ABTB3: variants seen among roughly 807,000 people sequenced by gnomAD.
ABTB3 encodes the protein ankyrin repeat and BTB domain containing 3, also known as ankyrin repeat- and BTB/POZ domain-containing protein 3.
the ABTB3 span, among the ~76,000 whole-genome samples, chr12:107,529,189 TG>T: frequency 6.7e-6 from 1 of 149,644 alleles, no homozygotes; most frequent in Admixed American, 6.6e-5. Flanking sequence ...GTGATGATGA[TG>T]GTGATGGTGA....
At chr12:107,391,721 T>C in the ABTB3 span, among the ~76,000 whole-genome samples, 55,263 of 152,060 alleles carry the variant, frequency 0.36, 10,214 homozygotes, top group African/African-American at 0.42. Context: ...GTGTCAATTT[T>C]GTGAATCCCA....
the ABTB3 span, among the ~76,000 whole-genome samples, chr12:107,592,234 C>G: frequency 3.9e-5 from 6 of 152,270 alleles, no homozygotes; most frequent in African/African-American, 1.2e-4. Flanking sequence ...AATTTTATAC[C>G]AGTCAGATTG....
At chr12:107,328,511 G>A in the ABTB3 span, among the ~76,000 whole-genome samples, 1 of 152,198 alleles carries the variant, frequency 6.6e-6, no homozygotes, top group Non-Finnish European at 1.5e-5. Context: ...ATTGTATTAC[G>A]TGTCTGTCTT....
At chr12:107,485,138 A>C in the ABTB3 span, among the ~76,000 whole-genome samples, 1 of 152,198 alleles carries the variant, frequency 6.6e-6, no homozygotes, top group Non-Finnish European at 1.5e-5. Context: ...TTAGGGGTAA[A>C]TAATGGGCCA....
At chr12:107,326,538 C>T in the ABTB3 span, among the ~76,000 whole-genome samples, 1 of 152,190 alleles carries the variant, frequency 6.6e-6, no homozygotes, top group Non-Finnish European at 1.5e-5. Flanking sequence ...GGCTCTCTGA[C>T]CACCAATACA....
At chr12:107,621,599 G>A in the ABTB3 span, among the ~76,000 whole-genome samples, 9 of 152,162 alleles carry the variant, frequency 5.9e-5, no homozygotes, top group East Asian at 1.9e-4. Flanking sequence ...TATGACATAC[G>A]TACAGAAAAG....
the ABTB3 span, among the ~76,000 whole-genome samples, chr12:107,604,501 C>T: frequency 1.7e-3 from 266 of 152,224 alleles, 3 homozygotes; most frequent in African/African-American, 6.1e-3. Flanking sequence ...AAATGGCCAA[C>T]AGGTATATGA....
At chr12:107,319,296 C>T in the ABTB3 span, 1 of 1,542,928 alleles carries the variant, frequency 6.5e-7, no homozygotes, top group East Asian at 2.4e-5. Flanking sequence ...GCAGGCCCGG[C>T]GGTCCCCGGC....
the ABTB3 span, among the ~76,000 whole-genome samples, chr12:107,515,077 C>G: frequency 2.9e-4 from 44 of 152,282 alleles, no homozygotes; most frequent in South Asian, 4.1e-3. Flanking sequence ...ATTACTATCA[C>G]CCCCATTTCA....
At chr12:107,589,406 G>A in the ABTB3 span, among the ~76,000 whole-genome samples, 1 of 152,206 alleles carries the variant, frequency 6.6e-6, no homozygotes, top group Non-Finnish European at 1.5e-5. Flanking sequence ...TGGCTTGGGA[G>A]TCACTGTCCC....
chr12:107,341,402 A>T, the ABTB3 span, among the ~76,000 whole-genome samples: 2 of 152,146 alleles, frequency 1.3e-5, no homozygotes, highest in Non-Finnish European at 2.9e-5. Flanking sequence ...CTGTCCAGGA[A>T]ATGTAGACAT....
chr12:107,597,427 G>A, the ABTB3 span, among the ~76,000 whole-genome samples: 183 of 152,258 alleles, frequency 1.2e-3, 2 homozygotes, highest in African/African-American at 4.2e-3. Context: ...ATCCCACGGC[G>A]GAAGGGCAAG....
At chr12:107,519,317 CTT>C in the ABTB3 span, among the ~76,000 whole-genome samples, 4 of 138,854 alleles carry the variant, frequency 2.9e-5, no homozygotes, top group Non-Finnish European at 6.1e-5. Context: ...CTTTTCTTTT[CTT>C]TTTTTCTTTT....
the ABTB3 span, among the ~76,000 whole-genome samples, chr12:107,505,257 A>T: frequency 6.6e-6 from 1 of 152,232 alleles, no homozygotes; most frequent in African/African-American, 2.4e-5. Flanking sequence ...GGAAATAAGT[A>T]GCTAAAAAAA....
the ABTB3 span, among the ~76,000 whole-genome samples, chr12:107,367,501 A>ATTTTTTTTTT: frequency 6.6e-6 from 1 of 151,776 alleles, no homozygotes; most frequent in African/African-American, 2.4e-5. Flanking sequence ...TATTTTTATT[A>ATTTTTTTTTT]TTTTTATGTA....
At chr12:107,332,905 C>G in the ABTB3 span, among the ~76,000 whole-genome samples, 217 of 152,310 alleles carry the variant, frequency 1.4e-3, no homozygotes, top group African/African-American at 4.9e-3. Context: ...ACTCACAATT[C>G]TTTATGTGGT....
At chr12:107,640,499 C>G in the ABTB3 span, 1 of 769,388 alleles carries the variant, frequency 1.3e-6, no homozygotes, top group Non-Finnish European at 2.1e-6. Context: ...TTGGTGGTCT[C>G]TTCGCCGGAC....
the ABTB3 span, among the ~76,000 whole-genome samples, chr12:107,440,117 G>A: frequency 6.6e-6 from 1 of 152,218 alleles, no homozygotes. Flanking sequence ...AGCAGGGAAG[G>A]GTTCACCCCT....
chr12:107,320,799 C>T, the ABTB3 span, among the ~76,000 whole-genome samples: 1 of 152,144 alleles, frequency 6.6e-6, no homozygotes, highest in Admixed American at 6.5e-5. Flanking sequence ...TGGCAGGGAG[C>T]TGCAGCTCTC....
Sources: allele counts gnomAD v4.1 joint callset (sites outside exome capture counted in the v4.1 genomes callset), GRCh38; gene constraint gnomAD v4.1.1; transcripts MANE v1.5; gene names NCBI Gene and HGNC (gene_info 2026-07-23, HGNC 2026-07-21).